The following EPHA6 variants were observed in gnomAD, a reference collection of about 807,000 sequenced individuals.
The protein encoded by EPHA6 is ephrin type-A receptor 6.
A neutral mutation model predicts 112.0 loss-of-function variants in EPHA6; 50 were observed. The observed-to-expected ratio is 0.45, with a 90% confidence interval of 0.36 to 0.56. EPHA6 has a LOEUF of 0.56. EPHA6 is among the 20% of genes least tolerant of loss of function. The pLI, the probability that EPHA6 is intolerant of heterozygous loss-of-function variation, is 0.00. For synonymous variants in EPHA6, 529 were observed against 490.7 expected, an observed-to-expected ratio of 1.08 and a Z score of -1.03; for missense variants, 1,280 against 1,417.4, an observed-to-expected ratio of 0.90 and a Z score of 1.56.
chr3:97,717,868 A>G (rs1182521545), intron 14 of EPHA6, among the ~76,000 whole-genome samples: 1 of 152,344 alleles, frequency 6.6e-6, no homozygotes. Flanking sequence ...ATAAATTTAT[A>G]TGTGAATAAT....
Position 97,413,928 on chromosome 3 carries a change from G to T in EPHA6, c.1731+8654G>T, listed in dbSNP as rs73133066. On this transcript the variant is annotated intron_variant, in intron 6 of 17. Transcript: ENST00000389672. ...AACTGGCCTTACCAAAGAGTTGACC[G>T]AGTCATATTCCCTGGAGACAAATGC... Among the ~76,000 whole-genome samples, 168 of 151,622 alleles carry T rather than the reference G, an allele frequency of 1.1e-3. No individual in the cohort carries two copies. In the Middle Eastern group the frequency reaches 0.014, roughly 12 times the overall value.
At chr3:97,434,578 C>A (rs544525850) in intron 6 of EPHA6, among the ~76,000 whole-genome samples, 1 of 152,058 alleles carries the variant, frequency 6.6e-6, no homozygotes, top group Non-Finnish European at 1.5e-5. Flanking sequence ...GATCAGTGAA[C>A]TGTTCCATAT....
intron 3 of EPHA6, among the ~76,000 whole-genome samples, chr3:97,181,802 T>C (rs2076995986): frequency 6.6e-6 from 1 of 152,148 alleles, no homozygotes; most frequent in African/African-American, 2.4e-5. Flanking sequence ...ATTTATAGCA[T>C]GGATATCAAT....
chr3:97,479,242 T>G (rs569306236), intron 8 of EPHA6, 52 bp from the exon 9 acceptor site: 2 of 1,148,040 alleles, frequency 1.7e-6, no homozygotes, highest in South Asian at 3.0e-5. Flanking sequence ...GGTTTTGCAT[T>G]GTATGCATCA....
At chr3:97,688,144 A>C (rs1481071093) in intron 14 of EPHA6, among the ~76,000 whole-genome samples, 1 of 151,958 alleles carries the variant, frequency 6.6e-6, no homozygotes, top group Non-Finnish European at 1.5e-5. Context: ...ATCAGTTATG[A>C]CTCTGTCTTC....
intron 3 of EPHA6, among the ~76,000 whole-genome samples, chr3:96,995,753 C>T (rs766317245): frequency 6.6e-6 from 1 of 152,112 alleles, no homozygotes; most frequent in Non-Finnish European, 1.5e-5. Context: ...TTTAAAAACA[C>T]CTTATTGCTA....
chr3:97,736,062 T>C lies in EPHA6; in HGVS notation c.3072T>C (p.Leu1024=), dbSNP rs2035238134. Residue 1024 remains leucine (L), a synonymous_variant, in exon 16 of 18, where the codon CTT becomes CTC. Transcript: ENST00000389672. ...RPKFTDIVSF[L]DKLIRNPSAL... is the part of the protein sequence containing the mutation. ...AATTTACTGACATTGTCAGCTTCCT[T>C]GACAAACTGATCCGAAATCCCAGTG... 5.6e-6 allele frequency: 9 copies of C among 1,612,424 alleles called. No homozygotes were observed. The highest frequency in any genetic ancestry group is 1.6e-4 in the Middle Eastern group (1 of 6,068).
intron 8 of EPHA6, 145 bp from the exon 9 acceptor site, chr3:97,479,149 T>C (rs2091457749): frequency 1.9e-6 from 1 of 524,024 alleles, no homozygotes; most frequent in Non-Finnish European, 3.3e-6. Flanking sequence ...AAACCTACTA[T>C]AGAATATTTT....
At chr3:97,254,036 T>C (rs996741359) in intron 5 of EPHA6, among the ~76,000 whole-genome samples, 6 of 152,150 alleles carry the variant, frequency 3.9e-5, no homozygotes, top group African/African-American at 1.4e-4. Flanking sequence ...AATAAATGTT[T>C]AATGTATTGA....
Position 97,226,302 on chromosome 3 carries a change from A to C in EPHA6, c.1153A>C (p.Thr385Pro). The C allele has an allele frequency of 6.2e-7, 1 of 1,612,496 alleles. No homozygotes were observed. The part of the protein sequence containing the change: ...PGFYKAFAGN[T>P]KCSKCPPHSL... ...ATTCTATAAAGCTTTTGCTGGGAAC[A>C]CAAAATGTTCTAAATGTCCTCCACA... The change falls in exon 4 of 18, where the codon ACA becomes CCA. Residue 385 changes from threonine to proline, a missense_variant. Physicochemically the swap from Thr to Pro is conservative, Grantham distance 38. This residue lies in a region of EPHA6 where 878 missense variants were observed against 999.7 expected (regional missense o/e 0.88). Coordinates refer to ENST00000389672, the MANE Select transcript of EPHA6 (RefSeq NM_001080448.3).
At chr3:97,273,920 T>G (rs1198905683) in intron 5 of EPHA6, among the ~76,000 whole-genome samples, 2 of 152,100 alleles carry the variant, frequency 1.3e-5, no homozygotes, top group East Asian at 3.9e-4. Context: ...TCGGGGCATG[T>G]GAGTAAAGTC....
At chr3:97,255,760 A>G (rs561263126) in intron 5 of EPHA6, among the ~76,000 whole-genome samples, 1 of 152,272 alleles carries the variant, frequency 6.6e-6, no homozygotes, top group East Asian at 1.9e-4. Flanking sequence ...GTAGCAGTTT[A>G]TGTTAAAATC....
At chr3:97,003,461 A>G (rs2043748426) in intron 3 of EPHA6, among the ~76,000 whole-genome samples, 1 of 152,282 alleles carries the variant, frequency 6.6e-6, no homozygotes, top group African/African-American at 2.4e-5. Flanking sequence ...ATTAGCAGCC[A>G]TCGTACCTTA....
intron 5 of EPHA6, among the ~76,000 whole-genome samples, chr3:97,328,437 C>T (rs1165458561): frequency 6.6e-6 from 1 of 151,950 alleles, no homozygotes; most frequent in African/African-American, 2.4e-5. Context: ...TTGCATTCTC[C>T]TCATGGTTAA....
rs1479480149 is a variant in EPHA6, at chr3:97,757,353, T to A, written c.*8652T>A. Among the ~76,000 whole-genome samples, 3 of 151,750 alleles carry A rather than the reference T, an allele frequency of 2.0e-5. No individual in the cohort carries two copies. The highest frequency in any genetic ancestry group is 4.4e-5 in the Non-Finnish European group (3 of 67,718). ...TACATACAATTAGAAAGAAATGTCA[T>A]CAAAATATCAAAAATAGGAAAAAGT... On this transcript the variant is annotated 3_prime_UTR_variant, in exon 18 of 18. Coordinates refer to ENST00000389672, the MANE Select transcript of EPHA6 (RefSeq NM_001080448.3).
At chr3:97,298,477 C>T (rs973083917) in intron 5 of EPHA6, among the ~76,000 whole-genome samples, 5 of 152,188 alleles carry the variant, frequency 3.3e-5, no homozygotes, top group African/African-American at 1.2e-4. Flanking sequence ...TAATTAATTA[C>T]AGTGTGACAG....
intron 3 of EPHA6, among the ~76,000 whole-genome samples, chr3:97,208,855 T>C (rs1395356261): frequency 6.6e-6 from 1 of 152,196 alleles, no homozygotes; most frequent in Non-Finnish European, 1.5e-5. Flanking sequence ...AAACCTTGTA[T>C]GATAAATACA....
chr3:97,444,318 G>C (rs1577432579), intron 6 of EPHA6, among the ~76,000 whole-genome samples: 2 of 152,162 alleles, frequency 1.3e-5, no homozygotes, highest in East Asian at 1.9e-4. Context: ...GCTAAAAGAT[G>C]ACCACTATGC....
intron 10 of EPHA6, among the ~76,000 whole-genome samples, chr3:97,501,122 C>T (rs2092105802): frequency 6.6e-6 from 1 of 152,062 alleles, no homozygotes; most frequent in Non-Finnish European, 1.5e-5. Context: ...ACTTGATGGT[C>T]ACAGTACAAC....
Sources: allele counts gnomAD v4.1 joint callset (sites outside exome capture counted in the v4.1 genomes callset), GRCh38; gene constraint gnomAD v4.1.1; regional missense constraint gnomAD v4.1.1; transcripts MANE v1.5; gene names NCBI Gene and HGNC (gene_info 2026-07-23, HGNC 2026-07-21).